TEC: variants seen among roughly 807,000 people sequenced by gnomAD.
TEC encodes the protein tec protein tyrosine kinase.
In TEC, 72 loss-of-function variants were observed where a neutral mutation model predicts 93.0. That is an observed-to-expected ratio of 0.77 (90% CI 0.64 to 0.94). The LOEUF is 0.94. TEC is among the 40% of genes least tolerant of loss of function. TEC has a pLI of 0.00. For synonymous variants in TEC, 249 were observed against 247.7 expected, an observed-to-expected ratio of 1.01 and a Z score of -0.05; for missense variants, 630 against 757.9, an observed-to-expected ratio of 0.83 and a Z score of 1.98.
At chr4:48,254,311 C>A (rs1448690213) in intron 1 of TEC, among the ~76,000 whole-genome samples, 1 of 152,102 alleles carries the variant, frequency 6.6e-6, no homozygotes, top group East Asian at 1.9e-4. Context: ...CCCTAAAGGA[C>A]AAAGGGGTTT....
intron 2 of TEC, among the ~76,000 whole-genome samples, chr4:48,185,583 T>A (rs1056482253): frequency 2.9e-4 from 44 of 152,212 alleles, no homozygotes; most frequent in African/African-American, 9.6e-4. Flanking sequence ...TAGTAACTTA[T>A]ATGGGTGATT....
intron 2 of TEC, among the ~76,000 whole-genome samples, chr4:48,179,362 ATATATATATATATATT>A (rs1442214995): frequency 1.0e-4 from 4 of 39,428 alleles, no homozygotes; most frequent in Non-Finnish European, 2.0e-4. Context: ...ATATATATAT[ATATATATATATATATT>A]TTTTTTTTTT....
At chr4:48,194,186 C>T (rs561309509) in intron 2 of TEC, among the ~76,000 whole-genome samples, 151 of 152,330 alleles carry the variant, frequency 9.9e-4, no homozygotes, top group Middle Eastern at 3.4e-3. Flanking sequence ...AAAGGTGCAT[C>T]GAAAGGCTCA....
At position 48,168,631 on chromosome 4, in the gene TEC, A is replaced by T; in HGVS notation, c.455-5T>A. 2 of 1,601,242 alleles carry T rather than the reference A, an allele frequency of 1.2e-6. No homozygotes were observed. Among genetic ancestry groups the T allele is most frequent in the Non-Finnish European group, 1.7e-6 (2 of 1,177,222 alleles). Reference sequence around the variant, plus strand: ...GAGGTAGTGCTTTTCTTATACCTGAAAATGCCAACAACAAAAACAGATTAA... The same window carrying T: ...GAGGTAGTGCTTTTCTTATACCTGATAATGCCAACAACAAAAACAGATTAA... On this transcript the variant is annotated splice_region_variant and splice_polypyrimidine_tract_variant and intron_variant, in intron 5 of 17. Transcript: ENST00000381501.
At chr4:48,254,560 T>A (rs1724291094) in intron 1 of TEC, among the ~76,000 whole-genome samples, 1 of 152,076 alleles carries the variant, frequency 6.6e-6, no homozygotes. Flanking sequence ...AGAAAGACAG[T>A]TGATTAGAAA....
chr4:48,171,540 A>T, intron 3 of TEC, 91 bp from the exon 4 acceptor site: 1 of 852,838 alleles, frequency 1.2e-6, no homozygotes. Flanking sequence ...AGACACCAAT[A>T]AATGATTCTC....
intron 14 of TEC, among the ~76,000 whole-genome samples, chr4:48,142,693 T>A (rs73244489): frequency 0.4 from 60,730 of 151,816 alleles, 12,544 homozygotes; most frequent in Admixed American, 0.48. Context: ...TTTAATTTTT[T>A]ATTTTTGAAA....
At chr4:48,262,736 C>A (rs1482489053) in intron 1 of TEC, among the ~76,000 whole-genome samples, 1 of 152,088 alleles carries the variant, frequency 6.6e-6, no homozygotes, top group Non-Finnish European at 1.5e-5. Context: ...CTGCAGTATC[C>A]CTACTAGCCA....
At chr4:48,247,716 T>G (rs1724097479) in intron 1 of TEC, among the ~76,000 whole-genome samples, 1 of 152,152 alleles carries the variant, frequency 6.6e-6, no homozygotes, top group African/African-American at 2.4e-5. Flanking sequence ...TGAAAGTGGG[T>G]TACTGATATG....
At chr4:48,206,809 A>G (rs1432374192) in intron 2 of TEC, among the ~76,000 whole-genome samples, 1 of 151,132 alleles carries the variant, frequency 6.6e-6, no homozygotes, top group Non-Finnish European at 1.5e-5. Context: ...AATGAAAACA[A>G]TTAGTTGGGC....
intron 1 of TEC, among the ~76,000 whole-genome samples, chr4:48,245,865 C>G (rs1724038745): frequency 6.6e-6 from 1 of 152,108 alleles, no homozygotes; most frequent in Non-Finnish European, 1.5e-5. Flanking sequence ...AATCCCAGCA[C>G]TTTGGGAGGC....
chr4:48,192,610 C>G (rs1722131418), intron 2 of TEC, among the ~76,000 whole-genome samples: 1 of 151,788 alleles, frequency 6.6e-6, no homozygotes, highest in Non-Finnish European at 1.5e-5. Context: ...ATTTAATGTT[C>G]TAAATCATAA....
chr4:48,137,417 T>G lies in TEC; in HGVS notation c.1895A>C (p.Ter632SerextTer25). Residue 632 changes from the stop codon to serine (S), a stop_lost, in exon 18 of 18, where the codon TAA becomes TCA. Coordinates refer to ENST00000381501, the MANE Select transcript of TEC (RefSeq NM_003215.3). ...TGGGAGCCACTGGTCACACATCACTTATCTTCCAAAAGTTTCTTCACATTC... is the reference window on the plus strand; with the variant it reads ...TGGGAGCCACTGGTCACACATCACTGATCTTCCAAAAGTTTCTTCACATTC... ...LVECEETFGR[*>S] The G allele has an allele frequency of 6.2e-7, 1 of 1,613,818 alleles. No individual in the cohort carries two copies. Among genetic ancestry groups the G allele is most frequent in the Non-Finnish European group, 8.5e-7 (1 of 1,179,802 alleles).
chr4:48,194,833 G>A (rs1446317613), intron 2 of TEC, among the ~76,000 whole-genome samples: 4 of 152,198 alleles, frequency 2.6e-5, no homozygotes, highest in African/African-American at 9.6e-5. Context: ...ATGGGTTTTT[G>A]TGGGTTTAAT....
chr4:48,223,050 C>T (rs1271784212), intron 2 of TEC, among the ~76,000 whole-genome samples: 1 of 152,006 alleles, frequency 6.6e-6, no homozygotes, highest in Non-Finnish European at 1.5e-5. Context: ...GGTTGAAATG[C>T]TGATGAAACG....
At chr4:48,196,022 T>C in intron 2 of TEC, among the ~76,000 whole-genome samples, 1 of 152,224 alleles carries the variant, frequency 6.6e-6, no homozygotes, top group East Asian at 1.9e-4. Context: ...GGTACAGAGA[T>C]ACCACATTAT....
At chr4:48,162,494 A>G (rs1207766281) in intron 8 of TEC, among the ~76,000 whole-genome samples, 1 of 152,214 alleles carries the variant, frequency 6.6e-6, no homozygotes, top group African/African-American at 2.4e-5. Context: ...TCAGTTCTCC[A>G]CGCTATCGCT....
At chr4:48,263,112 G>A (rs1219083493) in intron 1 of TEC, among the ~76,000 whole-genome samples, 4 of 152,162 alleles carry the variant, frequency 2.6e-5, no homozygotes, top group Non-Finnish European at 5.9e-5. Flanking sequence ...TGGGAAAGTC[G>A]TGATCATCCA....
chr4:48,257,907 A>G (rs529665122), intron 1 of TEC, among the ~76,000 whole-genome samples: 4 of 152,342 alleles, frequency 2.6e-5, no homozygotes, highest in Non-Finnish European at 5.9e-5. Context: ...TTTAAGACAC[A>G]TTAATGAGCA....
Sources: allele counts gnomAD v4.1 joint callset (sites outside exome capture counted in the v4.1 genomes callset), GRCh38; gene constraint gnomAD v4.1.1; transcripts MANE v1.5; gene names NCBI Gene and HGNC (gene_info 2026-07-23, HGNC 2026-07-21).